Variants in KCNJ18 observed in about 807,000 individuals in gnomAD.
The protein encoded by KCNJ18 is potassium inwardly rectifying channel subfamily J member 18.
In KCNJ18, 16 loss-of-function variants were observed where a neutral mutation model predicts 17.3. That is an observed-to-expected ratio of 0.92 (90% CI 0.62 to 1.40). KCNJ18 has a LOEUF of 1.40. Ranked by LOEUF, KCNJ18 falls within the 40% of genes most tolerant of loss-of-function variation. The pLI is 0.00. For synonymous variants in KCNJ18, 185 were observed against 262.6 expected, an observed-to-expected ratio of 0.70 and a Z score of 2.86; for missense variants, 462 against 626.8, an observed-to-expected ratio of 0.74 and a Z score of 2.81.
Position 21,692,698 on chromosome 17 carries a change from C to T in KCNJ18, c.-195C>T, listed in dbSNP as rs1198477331. 25 of 153,022 alleles carry T rather than the reference C, an allele frequency of 1.6e-4. No homozygotes were observed. Among genetic ancestry groups the T allele is most frequent in the African/African-American group, 4.8e-4 (20 of 41,550 alleles). The allele number at this position is 153,022 out of a possible 1,614,324, so 9.5% of individuals were successfully genotyped here. The stretch of plus-strand genomic sequence containing the variant: ...CTGAAGCCAGGGCTTGGCTTACCCT[C>T]GTGACAGTCTCCCGAGGTGTGTGGG... On this transcript the variant is annotated 5_prime_UTR_variant, in exon 1 of 3. Transcript: ENST00000567955.
chr17:21,703,288 G>C lies in KCNJ18; in HGVS notation c.502G>C (p.Val168Leu). 1 of 1,608,748 alleles carries C rather than the reference G, an allele frequency of 6.2e-7. No individual in the cohort carries two copies. Among genetic ancestry groups the C allele is most frequent in the Non-Finnish European group, 8.5e-7 (1 of 1,177,226 alleles). ...CTTCATGGTGGTGGCCCAGTCCATC[G>C]TGGGCTGCATCATCGACTCCTTCAT... Reference protein sequence around the residue: ...AVFMVVAQSIVGCIIDSFMIG... With the variant: ...AVFMVVAQSILGCIIDSFMIG... The change falls in exon 3 of 3, where the codon GTG becomes CTG. Residue 168 changes from valine to leucine, a missense_variant. Physicochemically the swap from Val to Leu is conservative, Grantham distance 32. Around this residue, in one of 5 missense-constraint regions of KCNJ18, gnomAD observed 237 missense variants for 259.4 expected, o/e 0.91. Transcript: ENST00000567955.
rs1413767073 is a variant in KCNJ18, at chr17:21,700,668, G to C, written c.-56-2063G>C. ...GGCCAGAAGCTGGGTCACACAGACCGGGGCTGAGTCCTGGCATTGCTGCCT... is the reference window on the plus strand; with the variant it reads ...GGCCAGAAGCTGGGTCACACAGACCCGGGCTGAGTCCTGGCATTGCTGCCT... On this transcript the variant is annotated intron_variant, in intron 2 of 2. Transcript: ENST00000567955. Among the ~76,000 whole-genome samples the C allele has an allele frequency of 2.1e-5, 2 of 94,818 alleles. 1 individual carries two copies. Among genetic ancestry groups the C allele is most frequent in the Non-Finnish European group, 4.4e-5 (2 of 45,048 alleles). The allele number at this position is 94,818 out of a possible 152,430, so 62.2% of individuals were successfully genotyped here. A position where few individuals can be genotyped will look rare whatever the true frequency, so the allele number is the denominator to read the frequency against.
rs1388640752 is a variant in KCNJ18 at position 21,695,066 on chromosome 17, T to C, written c.-178-917T>C. On this transcript the variant is annotated intron_variant, in intron 1 of 2. Coordinates refer to ENST00000567955, the MANE Select transcript of KCNJ18 (RefSeq NM_001194958.2). ...ATCCATCCATCCACCCATTCACCCA[T>C]CTATCCCTCCATTCATTCATCTACC... Among the ~76,000 whole-genome samples the C allele has an allele frequency of 4.6e-5, 7 of 152,238 alleles. No individual in the cohort carries two copies. The East Asian group carries it at 5.8e-4, about 13-fold the overall frequency.
chr17:21,703,017 C>T lies in KCNJ18; in HGVS notation c.231C>T (p.Asp77=). Residue 77 remains aspartate, a synonymous_variant, in exon 3 of 3, where the codon GAC becomes GAT. Transcript: ENST00000567955. ...CTGACATGTTCACCACCTGTGTGGA[C>T]ATCCGCTGGCGCTACATGCTGCTCA... ...YLADMFTTCV[D]IRWRYMLLIF... The T allele has an allele frequency of 6.2e-7, 1 of 1,612,482 alleles. No individual in the cohort carries two copies. Among genetic ancestry groups the T allele is most frequent in the Non-Finnish European group, 8.5e-7 (1 of 1,179,594 alleles).
chr17:21,695,573 A>T (rs1905736050), intron 1 of KCNJ18, among the ~76,000 whole-genome samples: 1 of 152,286 alleles, frequency 6.6e-6, no homozygotes, highest in South Asian at 2.1e-4. Context: ...GGCTGGGAGT[A>T]CAGGCTGAGG....
At chr17:21,700,619 C>T (rs1275349304) in intron 2 of KCNJ18, among the ~76,000 whole-genome samples, 1 of 111,444 alleles carries the variant, frequency 9.0e-6, no homozygotes, top group Non-Finnish European at 1.9e-5. Flanking sequence ...GCGCCTGCTC[C>T]GAGGCCCAGA....
At chr17:21,702,381 C>T in intron 2 of KCNJ18, among the ~76,000 whole-genome samples, 1 of 152,192 alleles carries the variant, frequency 6.6e-6, no homozygotes, top group Middle Eastern at 3.4e-3. Flanking sequence ...GGGCCATCGG[C>T]AGAGGCAGAG....
At chr17:21,698,220 G>A (rs1371099785) in intron 2 of KCNJ18, among the ~76,000 whole-genome samples, 10 of 152,214 alleles carry the variant, frequency 6.6e-5, no homozygotes, top group Admixed American at 1.3e-4. Flanking sequence ...CACCCCTACA[G>A]CCCAGCCTGG....
chr17:21,699,695 G>A (rs1905875199), intron 2 of KCNJ18, among the ~76,000 whole-genome samples: 1 of 152,308 alleles, frequency 6.6e-6, no homozygotes. Flanking sequence ...ACGCAGAGAG[G>A]AACGTCAACA....
Position 21,704,125 on chromosome 17 carries a change from C to G in KCNJ18, c.*37C>G. On this transcript the variant is annotated 3_prime_UTR_variant, in exon 3 of 3. Transcript: ENST00000567955. ...CCGACATGCAGCATCCACCCCTGGC[C>G]GGGGAGAGGCCCCGCGGTCGCTCAG... 1.3e-6 allele frequency: 2 copies of G among 1,492,158 alleles called. No individual in the cohort carries two copies. Among genetic ancestry groups the G allele is most frequent in the Non-Finnish European group, 8.9e-7 (1 of 1,121,542 alleles). The allele number at this position is 1,492,158 out of a possible 1,614,324, so 92.4% of individuals were successfully genotyped here.
chr17:21,702,016 C>T (rs1236209384), intron 2 of KCNJ18, among the ~76,000 whole-genome samples: 233 of 151,778 alleles, frequency 1.5e-3, no homozygotes, highest in African/African-American at 5.3e-3. Flanking sequence ...CCCCCAGCTA[C>T]GTTATTGTTA....
intron 2 of KCNJ18, among the ~76,000 whole-genome samples, chr17:21,697,708 C>A (rs1905806248): frequency 6.6e-6 from 1 of 152,310 alleles, no homozygotes; most frequent in African/African-American, 2.4e-5. Context: ...CTGCAGCCAG[C>A]CCTGCCTCTC....
chr17:21,695,869 G>T (rs1441830908), intron 1 of KCNJ18, 114 bp from the exon 2 acceptor site: 1 of 152,914 alleles, frequency 6.5e-6, no homozygotes, highest in Non-Finnish European at 1.5e-5. Context: ...TCTCCTGTGG[G>T]GCCCTGGGGA....
At chr17:21,697,837 A>G (rs1905812466) in intron 2 of KCNJ18, among the ~76,000 whole-genome samples, 2 of 152,310 alleles carry the variant, frequency 1.3e-5, no homozygotes, top group South Asian at 4.1e-4. Context: ...TGCCTGGATT[A>G]GGAAAGATTC....
rs2142274767 is a variant in KCNJ18, at chr17:21,704,354, C to G, written c.*266C>G. 2.2e-6 allele frequency: 1 copy of G among 455,596 alleles called. No homozygotes were observed. The highest frequency in any genetic ancestry group is 2.0e-5 in the African/African-American group (1 of 50,914). 28.2% of individuals were successfully genotyped at this position (455,596 alleles called of 1,614,324 possible). On this transcript the variant is annotated 3_prime_UTR_variant, in exon 3 of 3. Coordinates refer to ENST00000567955, the MANE Select transcript of KCNJ18 (RefSeq NM_001194958.2). ...GGGGGCCAGGCCACGGGGGCCAGGG[C>G]TTCTGCCTGAAGATGGAGCTGCAGC...
At chr17:21,702,167 G>C (rs1295691315) in intron 2 of KCNJ18, among the ~76,000 whole-genome samples, 1 of 152,116 alleles carries the variant, frequency 6.6e-6, no homozygotes, top group Non-Finnish European at 1.5e-5. Context: ...AGGGTGTCCA[G>C]GGTGGGTTTG....
chr17:21,697,517 G>A (rs1176175586), intron 2 of KCNJ18, among the ~76,000 whole-genome samples: 1 of 152,312 alleles, frequency 6.6e-6, no homozygotes, highest in African/African-American at 2.4e-5. Context: ...CACCAGCCTG[G>A]GTTCTCCCCC....
rs1906087554 is a variant in KCNJ18, at chr17:21,704,218, T to C, written c.*130T>C. 3.5e-6 allele frequency: 4 copies of C among 1,146,600 alleles called. No homozygotes were observed. Among genetic ancestry groups the C allele is most frequent in the East Asian group, 2.6e-5 (1 of 38,352 alleles). 71.0% of individuals were successfully genotyped at this position (1,146,600 alleles called of 1,614,324 possible). On this transcript the variant is annotated 3_prime_UTR_variant, in exon 3 of 3. Transcript: ENST00000567955. ...CAGACTCAGTAGCGTTTTAGTCGTT[T>C]TATGTTTCTTTGCAAAGGCCTCAGA...
At chr17:21,696,695 G>T (rs1382686892) in intron 2 of KCNJ18, among the ~76,000 whole-genome samples, 7,423 of 140,130 alleles carry the variant, frequency 0.053, 265 homozygotes, top group Non-Finnish European at 0.074. Flanking sequence ...TCCTAAAGGG[G>T]GCCAGGGGAG....
Sources: allele counts gnomAD v4.1 joint callset (sites outside exome capture counted in the v4.1 genomes callset), GRCh38; gene constraint gnomAD v4.1.1; regional missense constraint gnomAD v4.1.1; transcripts MANE v1.5; gene names NCBI Gene and HGNC (gene_info 2026-07-23, HGNC 2026-07-21).